GPC5: variants seen among roughly 807,000 people sequenced by gnomAD.
GPC5 encodes the protein glypican 5, also known as glypican-5.
A neutral mutation model predicts 53.9 loss-of-function variants in GPC5; 47 were observed. The observed-to-expected ratio is 0.87, with a 90% CI of 0.69 to 1.11. The LOEUF is 1.11. Among genes scored for constraint, GPC5 ranks in the 50% most tolerant of loss-of-function variants. The pLI, the probability that GPC5 is intolerant of heterozygous loss-of-function variation, is 0.00. For synonymous variants in GPC5, 286 were observed against 263.3 expected (o/e 1.09, Z -0.84); for missense variants, 748 against 713.1 (o/e 1.05, Z -0.56).
rs181326926 is a variant in GPC5 at position 92,370,767 on chromosome 13, T to C, written c.1561+225778T>C. On this transcript the variant is annotated intron_variant, in intron 7 of 7. Transcript: ENST00000377067. The stretch of plus-strand genomic sequence containing the variant: ...AATTTTTTATAAGATATATTTTATA[T>C]GATTAGTTTATTATATTTTGTTGGA... 3.8e-3 allele frequency among the ~76,000 whole-genome samples: 585 copies of C among 152,302 alleles called. 2 individuals carry two copies. The highest frequency in any genetic ancestry group is 0.013 in the African/African-American group (522 of 41,568).
chr13:91,905,958 G>A (rs1265268404), intron 5 of GPC5, among the ~76,000 whole-genome samples: 1 of 152,044 alleles, frequency 6.6e-6, no homozygotes, highest in African/African-American at 2.4e-5. Context: ...GTATAGTGGT[G>A]AAGTCTGAGA....
intron 6 of GPC5, among the ~76,000 whole-genome samples, chr13:91,973,152 G>A (rs1275760020): frequency 2.0e-5 from 3 of 152,100 alleles, no homozygotes; most frequent in Admixed American, 6.6e-5. Context: ...ATTTCTTGGA[G>A]GCTTTGTTCG....
At chr13:92,775,688 A>T (rs1377876208) in intron 7 of GPC5, among the ~76,000 whole-genome samples, 1 of 152,092 alleles carries the variant, frequency 6.6e-6, no homozygotes, top group East Asian at 1.9e-4. Flanking sequence ...TACACATTTT[A>T]ATACCTCTTA....
chr13:92,799,079 T>C (rs1876806847), intron 7 of GPC5, among the ~76,000 whole-genome samples: 1 of 151,824 alleles, frequency 6.6e-6, no homozygotes, highest in Non-Finnish European at 1.5e-5. Context: ...TCAGACTGAT[T>C]TTTTTTTCAT....
intron 7 of GPC5, among the ~76,000 whole-genome samples, chr13:92,401,755 T>G (rs961373200): frequency 1.3e-5 from 2 of 152,122 alleles, no homozygotes; most frequent in African/African-American, 4.8e-5. Flanking sequence ...GATACCAACT[T>G]TTTGGCTTTA....
At chr13:91,404,472 T>A (rs758830836) in intron 1 of GPC5, among the ~76,000 whole-genome samples, 2 of 152,254 alleles carry the variant, frequency 1.3e-5, no homozygotes, top group Non-Finnish European at 2.9e-5. Flanking sequence ...ATTTTCCATA[T>A]CTACCTTTCT....
chr13:92,429,127 A>G (rs569732234), intron 7 of GPC5, among the ~76,000 whole-genome samples: 23 of 152,232 alleles, frequency 1.5e-4, no homozygotes, highest in African/African-American at 5.5e-4. Context: ...TTTCACCATA[A>G]AAGATAACAC....
chr13:92,115,274 C>G (rs951918463), intron 6 of GPC5, among the ~76,000 whole-genome samples: 14 of 152,072 alleles, frequency 9.2e-5, no homozygotes, highest in African/African-American at 3.1e-4. Context: ...TTCGGGAGGC[C>G]GAGGTGGGTA....
intron 7 of GPC5, among the ~76,000 whole-genome samples, chr13:92,397,808 TTTCTCACCTAC>T: frequency 6.6e-6 from 1 of 152,192 alleles, no homozygotes; most frequent in African/African-American, 2.4e-5. Context: ...CCTAAGAATA[TTTCTCACCTAC>T]AAAATTTCAT....
At chr13:92,144,061 A>C (rs2041849354) in intron 6 of GPC5, among the ~76,000 whole-genome samples, 1 of 152,170 alleles carries the variant, frequency 6.6e-6, no homozygotes, top group Non-Finnish European at 1.5e-5. Flanking sequence ...GCTTAGTTTT[A>C]AGTGAAATAT....
At position 92,222,352 on chromosome 13, in the gene GPC5, T is replaced by C. The variant is rs553614313; in HGVS notation, c.1561+77363T>C. ...GTGATTGTACTACTTATTTGATGCA[T>C]CTGAAATTGTTGATTAAACACAGAG... On this transcript the variant is annotated intron_variant, in intron 7 of 7. Transcript: ENST00000377067. Among the ~76,000 whole-genome samples, 153 of 152,278 alleles carry C rather than the reference T, an allele frequency of 1.0e-3. 1 individual carries two copies. The highest frequency in any genetic ancestry group is 3.5e-3 in the African/African-American group (146 of 41,548).
chr13:92,399,362 C>G (rs1362143240), intron 7 of GPC5, among the ~76,000 whole-genome samples: 1 of 152,178 alleles, frequency 6.6e-6, no homozygotes, highest in Non-Finnish European at 1.5e-5. Context: ...ACAGGACTAT[C>G]TGATCTCATA....
At chr13:92,701,287 T>C (rs962942323) in intron 7 of GPC5, 1 of 152,140 alleles carries the variant, frequency 6.6e-6, no homozygotes, top group Non-Finnish European at 1.5e-5. Context: ...TGTAGTATTC[T>C]TCATGAACCA....
At position 91,516,929 on chromosome 13, in the gene GPC5, C is replaced by G. The variant is rs535694845; in HGVS notation, c.325+68007C>G. ...AGCCACAGCCCGAGCTGTACGTTGTCCCCTTTCAGCCACAACTGGAGCAGC... is the reference window on the plus strand; with the variant it reads ...AGCCACAGCCCGAGCTGTACGTTGTGCCCTTTCAGCCACAACTGGAGCAGC... On this transcript the variant is annotated intron_variant, in intron 2 of 7. Transcript: ENST00000377067. Among the ~76,000 whole-genome samples the G allele has an allele frequency of 6.2e-4, 95 of 152,286 alleles. 1 individual carries two copies. Among genetic ancestry groups the G allele is most frequent in the African/African-American group, 2.2e-3 (92 of 41,564 alleles).
chr13:91,409,369 G>C (rs1877558912), intron 1 of GPC5, among the ~76,000 whole-genome samples: 1 of 152,200 alleles, frequency 6.6e-6, no homozygotes, highest in Admixed American at 6.5e-5. Context: ...GAGTTCTTCA[G>C]GGTACTATTT....
intron 2 of GPC5, among the ~76,000 whole-genome samples, chr13:91,549,767 C>G (rs535004596): frequency 6.6e-6 from 1 of 152,236 alleles, no homozygotes; most frequent in African/African-American, 2.4e-5. Flanking sequence ...ACACTAAATG[C>G]TGGTGAGGGT....
chr13:92,590,198 CT>C (rs1279441572), intron 7 of GPC5, among the ~76,000 whole-genome samples: 1 of 152,150 alleles, frequency 6.6e-6, no homozygotes, highest in Non-Finnish European at 1.5e-5. Flanking sequence ...ACCTCAACGC[CT>C]TTCCCTGCGG....
intron 6 of GPC5, among the ~76,000 whole-genome samples, chr13:92,114,528 T>C (rs1200408199): frequency 1.3e-5 from 2 of 152,164 alleles, no homozygotes; most frequent in Non-Finnish European, 2.9e-5. Context: ...AATAAATTGC[T>C]CCTAGAGTAA....
At chr13:92,774,259 TGTA>T (rs1875716185) in intron 7 of GPC5, among the ~76,000 whole-genome samples, 1 of 152,252 alleles carries the variant, frequency 6.6e-6, no homozygotes, top group African/African-American at 2.4e-5. Context: ...GGTATAGCCC[TGTA>T]GGTCTATAAC....
Sources: gnomAD v4.1 joint callset for allele counts (sites outside exome capture counted in the v4.1 genomes callset) on GRCh38, gnomAD v4.1.1 for gene constraint, MANE v1.5 for transcripts, NCBI Gene and HGNC (gene_info 2026-07-23, HGNC 2026-07-21) for gene names.